GPR137: variants seen among roughly 807,000 people sequenced by gnomAD.
GPR137 encodes the protein G protein-coupled receptor 137.
Under a neutral mutation model 38.9 loss-of-function variants are expected in GPR137, and 20 were observed. That is an observed-to-expected ratio of 0.51 (90% CI 0.36 to 0.75). The LOEUF is 0.75. GPR137 is among the 30% of genes least tolerant of loss of function. The probability of loss-of-function intolerance (pLI) is 0.00; values close to 1 mark genes in which losing one functional copy is unlikely to be tolerated. For missense variants in GPR137, 456 were observed against 526.4 expected (o/e 0.87, Z 1.31); for synonymous variants, 226 against 235.8 (o/e 0.96, Z 0.38).
At chr11:64,281,744 A>G (rs2033487364), upstream of GPR137, among the ~76,000 whole-genome samples, 3 of 151,888 alleles carry the variant, frequency 2.0e-5, no homozygotes, top group Admixed American at 2.0e-4. Flanking sequence ...TTTTTTTGAG[A>G]TGAGTCTCAC....
chr11:64,273,043 T>C (rs552891647), upstream of GPR137, among the ~76,000 whole-genome samples: 5 of 151,830 alleles, frequency 3.3e-5, no homozygotes, highest in African/African-American at 4.8e-5. Context: ...CTAGGCAACA[T>C]TGCAAAACCC....
upstream of GPR137, chr11:64,285,409 G>T: frequency 3.0e-6 from 3 of 984,704 alleles, no homozygotes; most frequent in Non-Finnish European, 3.6e-6. Context: ...GCGCCGGGGC[G>T]AGGGGCGGGC....
upstream of GPR137, chr11:64,284,254 G>C: frequency 6.2e-7 from 1 of 1,611,118 alleles, no homozygotes; most frequent in Non-Finnish European, 8.5e-7. Flanking sequence ...GGGGCCTGGC[G>C]ATGATGCTTG....
At chr11:64,275,566 G>A (rs1269382063), upstream of GPR137, 1 of 152,214 alleles carries the variant, frequency 6.6e-6, no homozygotes, top group Non-Finnish European at 1.5e-5. Flanking sequence ...CCAGCCAGGT[G>A]AATATCCAGC....
chr11:64,287,830 C>T lies in GPR137; in HGVS notation c.517C>T (p.Leu173Phe), dbSNP rs760450197. Residue 173 changes from leucine (L) to phenylalanine (F), a missense_variant, in exon 3 of 7, where the codon CTT becomes TTT. Leu to Phe is a conservative substitution (Grantham distance 22). Transcript: ENST00000438980. The stretch of plus-strand genomic sequence containing the variant: ...CCGGGCACAGCCCTGGGCCCTGCTG[C>T]TTGTCCGCGTCCTGGTGAGCGACTC... ...RRRAQPWALL[L>F]VRVLVSDSLF... The T allele has an allele frequency of 2.3e-5, 37 of 1,606,414 alleles. No homozygotes were observed. Among genetic ancestry groups the T allele is most frequent in the Non-Finnish European group, 3.0e-5 (35 of 1,179,950 alleles).
upstream of GPR137, among the ~76,000 whole-genome samples, chr11:64,283,829 C>G (rs1246024735): frequency 6.6e-6 from 1 of 152,186 alleles, no homozygotes; most frequent in African/African-American, 2.4e-5. Flanking sequence ...GAGCTGGAGT[C>G]TCCCTAAGTC....
rs2034420659 is a variant in GPR137 at position 64,288,637 on chromosome 11, C to T, written c.947C>T (p.Ala316Val). The change falls in exon 6 of 7, where the codon GCC becomes GTC. Residue 316 changes from alanine (A) to valine (V), a missense_variant. Physicochemically the swap from Ala to Val is moderately conservative, Grantham distance 64 (BLOSUM62 0). Transcript: ENST00000438980. This position sits in a 1 kb window ranked among gnomAD's most constrained non-coding sequence, Gnocchi z 5.5. Reference sequence around the variant, plus strand: ...CACATCCTCAATGGGCAGGTCTTTGCCTCTCGGTCCTACTTCTTTGACCGG... The same window carrying T: ...CACATCCTCAATGGGCAGGTCTTTGTCTCTCGGTCCTACTTCTTTGACCGG... ...TSHILNGQVF[A>V]SRSYFFDRAG... 1 of 1,611,196 alleles carries T rather than the reference C, an allele frequency of 6.2e-7. No homozygotes were observed. The highest frequency in any genetic ancestry group is 1.3e-5 in the African/African-American group (1 of 74,862).
At chr11:64,284,315 T>C (rs2033695597), upstream of GPR137, 1 of 1,612,552 alleles carries the variant, frequency 6.2e-7, no homozygotes, top group Non-Finnish European at 8.5e-7. Context: ...GGCCCCTCTC[T>C]GCAGAGCTGG....
At chr11:64,277,490 T>C (rs973250417) in intron 2 of GPR137, among the ~76,000 whole-genome samples, 1 of 152,134 alleles carries the variant, frequency 6.6e-6, no homozygotes, top group Admixed American at 6.5e-5. Context: ...CAGACTGGAG[T>C]GGGGTGGCAC....
At chr11:64,285,557 C>T (rs977576800), upstream of GPR137, 24 of 984,052 alleles carry the variant, frequency 2.4e-5, no homozygotes, top group Non-Finnish European at 2.9e-5. Context: ...GGCACGACCC[C>T]GATTTGGGTA....
chr11:64,287,754 G>A lies in GPR137; in HGVS notation c.441G>A (p.Ser147=), dbSNP rs778565162. ...TCCGAGGGGCCTTTGTGGGGGCCTC[G>A]CTGCTCTTTCTGCTGGTGAACGTGC... ...LAVRGAFVGA[S]LLFLLVNVLC... The change falls in exon 3 of 7, where the codon TCG becomes TCA. Residue 147 remains serine (S), a synonymous_variant. Transcript: ENST00000438980. The A allele has an allele frequency of 5.4e-5, 87 of 1,606,138 alleles. No individual in the cohort carries two copies. Among genetic ancestry groups the A allele is most frequent in the Admixed American group, 1.0e-4 (6 of 59,994 alleles).
upstream of GPR137, among the ~76,000 whole-genome samples, chr11:64,274,681 T>C (rs1424537843): frequency 6.6e-6 from 1 of 151,396 alleles, no homozygotes; most frequent in Non-Finnish European, 1.5e-5. Flanking sequence ...ATTAGCCAGG[T>C]GTGGTGGCGC....
At chr11:64,276,263 TATAC>T (rs2033043595) in intron 1 of GPR137, 1 of 151,534 alleles carries the variant, frequency 6.6e-6, no homozygotes, top group South Asian at 2.1e-4. Flanking sequence ...TAAATACAAA[TATAC>T]ATATATTTAT....
At chr11:64,278,096 T>C (rs1260239784) in intron 2 of GPR137, among the ~76,000 whole-genome samples, 2 of 152,124 alleles carry the variant, frequency 1.3e-5, no homozygotes, top group Non-Finnish European at 2.9e-5. Flanking sequence ...GAGACCAGCC[T>C]GAGCAACACA....
chr11:64,274,992 CAAA>C (rs34418386), upstream of GPR137, among the ~76,000 whole-genome samples: 5 of 54,392 alleles, frequency 9.2e-5, no homozygotes, highest in South Asian at 9.0e-4. Context: ...GACTTTGTCT[CAAA>C]AAAAAAAAAA....
chr11:64,274,115 G>A (rs543649705), upstream of GPR137, among the ~76,000 whole-genome samples: 435 of 152,296 alleles, frequency 2.9e-3, 2 homozygotes, highest in African/African-American at 9.4e-3. Flanking sequence ...GTAGGTGGCC[G>A]GGTGCGGTGG....
At chr11:64,271,876 TC>T (rs920254772), upstream of GPR137, 14 of 1,230,500 alleles carry the variant, frequency 1.1e-5, no homozygotes, top group African/African-American at 2.0e-4. Context: ...GCCTGAACCC[TC>T]CCCATCAGCT....
At chr11:64,284,571 C>T, upstream of GPR137, 1 of 1,493,942 alleles carries the variant, frequency 6.7e-7, no homozygotes, top group South Asian at 1.3e-5. Context: ...TCAGTCTCCC[C>T]TCAGAACCCC....
In GPR137 at chr11:64,288,339, G is replaced by A; in HGVS notation, c.784-1G>A. 6.2e-7 allele frequency: 1 copy of A among 1,613,784 alleles called. No individual in the cohort carries two copies. Among genetic ancestry groups the A allele is most frequent in the Non-Finnish European group, 8.5e-7 (1 of 1,180,006 alleles). The stretch of plus-strand genomic sequence containing the variant: ...TGGCACCAGCCCCTGCCTTCCCACA[G>A]GCGGACCTGGTGAATGACCTGGGGA... On this transcript the variant is annotated splice_acceptor_variant, in intron 4 of 6. Coordinates refer to ENST00000438980, the MANE Select transcript of GPR137 (RefSeq NM_001170880.2). LOFTEE classifies it high-confidence loss of function. This position sits in a 1 kb window ranked among gnomAD's most constrained non-coding sequence, Gnocchi z 5.5.
Sources: allele counts gnomAD v4.1 joint callset (sites outside exome capture counted in the v4.1 genomes callset), GRCh38; gene constraint gnomAD v4.1.1; non-coding constraint Gnocchi (gnomAD v3.1); transcripts MANE v1.5; gene names NCBI Gene and HGNC (gene_info 2026-07-23, HGNC 2026-07-21).